Variants in SLC16A7 observed in about 807,000 individuals in gnomAD.
SLC16A7 encodes the protein solute carrier family 16 member 7.
A neutral mutation model predicts 34.9 loss-of-function variants in SLC16A7; 33 were observed. The observed-to-expected ratio is 0.94, with a 90% CI of 0.72 to 1.26. The LOEUF is 1.26. SLC16A7 is among the 50% of genes most tolerant of loss of function. SLC16A7 has a pLI of 0.00. For missense variants in SLC16A7, 573 were observed against 578.1 expected (o/e 0.99, Z 0.09); for synonymous variants, 201 against 206.6 (o/e 0.97, Z 0.23).
At chr12:59,623,991 A>T (rs1051850386) in intron 1 of SLC16A7, among the ~76,000 whole-genome samples, 5 of 151,448 alleles carry the variant, frequency 3.3e-5, no homozygotes, top group African/African-American at 9.7e-5. Flanking sequence ...AATTACAGTA[A>T]TAGAGTTTAA....
chr12:59,657,971 A>G (rs1162526842), intron 2 of SLC16A7, among the ~76,000 whole-genome samples: 1 of 151,980 alleles, frequency 6.6e-6, no homozygotes. Context: ...TTGCTCTTAC[A>G]AAACAGTTTG....
At chr12:59,604,334 T>G (rs1190625316) in intron 1 of SLC16A7, among the ~76,000 whole-genome samples, 1 of 152,222 alleles carries the variant, frequency 6.6e-6, no homozygotes, top group Non-Finnish European at 1.5e-5. Context: ...AACAGTTTAA[T>G]AAATAAATAA....
intron 3 of SLC16A7, among the ~76,000 whole-genome samples, chr12:59,768,827 T>C (rs1476424369): frequency 6.6e-6 from 1 of 151,828 alleles, no homozygotes. Context: ...CAAGGCCCCG[T>C]CTCTATGAAA....
intron 2 of SLC16A7, among the ~76,000 whole-genome samples, chr12:59,658,311 T>TA (rs1334101482): frequency 2.0e-5 from 3 of 152,038 alleles, no homozygotes; most frequent in African/African-American, 4.8e-5. Context: ...TGGACAAAGC[T>TA]AAAAATCACA....
rs1247257119 is a variant in SLC16A7 at position 59,771,219 on chromosome 12, G to A, written c.218G>A (p.Gly73Asp). ...SIMLAVMYAG[G>D]PVSSVLVNKY... Reference sequence around the variant, plus strand: ...TTTCTTTATCTCCTCTCTGCTGTAGGTCCTGTAAGTAGTGTTTTGGTGAAT... The same window carrying A: ...TTTCTTTATCTCCTCTCTGCTGTAGATCCTGTAAGTAGTGTTTTGGTGAAT... Residue 73 changes from glycine to aspartate, a missense_variant and splice_region_variant, in exon 4 of 6, where the codon GGT (glycine) becomes GAT (aspartate). Coordinates refer to ENST00000547379, the MANE Select transcript of SLC16A7 (RefSeq NM_001270623.2). 2 of 1,611,570 alleles carry A rather than the reference G, an allele frequency of 1.2e-6. No homozygotes were observed. The highest frequency in any genetic ancestry group is 1.7e-5 in the Admixed American group (1 of 59,628).
intron 3 of SLC16A7, among the ~76,000 whole-genome samples, chr12:59,750,306 AATCT>A (rs1376229136): frequency 6.6e-6 from 1 of 152,228 alleles, no homozygotes; most frequent in Non-Finnish European, 1.5e-5. Context: ...AAGATTTTGC[AATCT>A]ATCCATCCGA....
chr12:59,689,548 A>G (rs1409761972), intron 2 of SLC16A7: 1 of 152,060 alleles, frequency 6.6e-6, no homozygotes, highest in Non-Finnish European at 1.5e-5. Flanking sequence ...AAGGGATTCT[A>G]ACATCTTTCT....
chr12:59,722,518 C>T (rs934184768), intron 3 of SLC16A7, among the ~76,000 whole-genome samples: 5 of 151,878 alleles, frequency 3.3e-5, no homozygotes, highest in Admixed American at 6.6e-5. Context: ...CTCCCTGAAC[C>T]TGTCTTCTGT....
intron 1 of SLC16A7, among the ~76,000 whole-genome samples, chr12:59,632,709 C>T (rs962456701): frequency 6.6e-6 from 1 of 151,972 alleles, no homozygotes; most frequent in Non-Finnish European, 1.5e-5. Flanking sequence ...AACAGTATCA[C>T]CCCCGGTTAA....
chr12:59,725,238 C>G (rs1182670022), intron 3 of SLC16A7, among the ~76,000 whole-genome samples: 1 of 152,164 alleles, frequency 6.6e-6, no homozygotes, highest in South Asian at 2.1e-4. Flanking sequence ...TTAATATTAT[C>G]TAAAGAAATA....
chr12:59,602,479 C>CTTTT lies in SLC16A7; in HGVS notation c.-130+6262_-130+6265dup, dbSNP rs34035713. Among the ~76,000 whole-genome samples, 274 of 80,244 alleles carry CTTTT rather than the reference C, an allele frequency of 3.4e-3. 2 individuals carry two copies. Among genetic ancestry groups the CTTTT allele is most frequent in the African/African-American group, 5.1e-3 (100 of 19,686 alleles). The allele number at this position is 80,244 out of a possible 152,430, so 52.6% of individuals were successfully genotyped here. On this transcript the variant is annotated intron_variant, in intron 1 of 5. Coordinates refer to ENST00000547379, the MANE Select transcript of SLC16A7 (RefSeq NM_001270623.2). ...TGTCTTCCCCAGTTTGTGTTTTGGG[C>CTTTT]TTTTTTTTTTTTTTTTTTTTTTGAG... is the stretch of plus-strand genomic sequence containing the variant.
chr12:59,637,180 C>T (rs896448824), intron 1 of SLC16A7, among the ~76,000 whole-genome samples: 2 of 152,016 alleles, frequency 1.3e-5, no homozygotes, highest in Non-Finnish European at 1.5e-5. Flanking sequence ...CTTTTGTGTG[C>T]ACATTGAAAG....
intron 2 of SLC16A7, among the ~76,000 whole-genome samples, chr12:59,678,682 C>A (rs1353781757): frequency 6.6e-6 from 1 of 152,090 alleles, no homozygotes; most frequent in African/African-American, 2.4e-5. Context: ...CCATAATTTC[C>A]CATTCTGGTC....
chr12:59,712,821 T>A (rs1874397583), intron 3 of SLC16A7, among the ~76,000 whole-genome samples: 1 of 152,138 alleles, frequency 6.6e-6, no homozygotes, highest in African/African-American at 2.4e-5. Flanking sequence ...TTGGTTTTTT[T>A]AATCCCCCCT....
chr12:59,646,144 T>C (rs762814553), intron 1 of SLC16A7, among the ~76,000 whole-genome samples: 3 of 152,184 alleles, frequency 2.0e-5, no homozygotes, highest in Non-Finnish European at 2.9e-5. Flanking sequence ...GAAATTTGCA[T>C]AGGTAATGAG....
intron 2 of SLC16A7, among the ~76,000 whole-genome samples, chr12:59,657,495 A>C (rs765109152): frequency 1.8e-4 from 28 of 152,018 alleles, no homozygotes; most frequent in Non-Finnish European, 3.5e-4. Context: ...CTAGATTAAA[A>C]ATACTTCACA....
chr12:59,600,965 A>G (rs902920480), intron 1 of SLC16A7, among the ~76,000 whole-genome samples: 1 of 152,188 alleles, frequency 6.6e-6, no homozygotes, highest in Non-Finnish European at 1.5e-5. Context: ...ACTGGCCTAA[A>G]GGTACTTTCG....
At chr12:59,632,060 T>C (rs1400018113) in intron 1 of SLC16A7, among the ~76,000 whole-genome samples, 1 of 151,946 alleles carries the variant, frequency 6.6e-6, no homozygotes, top group Admixed American at 6.6e-5. Flanking sequence ...CACATTTTTA[T>C]GGGAAGATGT....
At chr12:59,624,738 T>TTGTGTGTGTGTG (rs34708782) in intron 1 of SLC16A7, among the ~76,000 whole-genome samples, 19 of 145,370 alleles carry the variant, frequency 1.3e-4, no homozygotes, top group African/African-American at 4.3e-4. Context: ...GCATTGTTAG[T>TTGTGTGTGTGTG]TGTGTGTGTG....
Sources: allele counts gnomAD v4.1 joint callset (sites outside exome capture counted in the v4.1 genomes callset), GRCh38; gene constraint gnomAD v4.1.1; transcripts MANE v1.5; gene names NCBI Gene and HGNC (gene_info 2026-07-23, HGNC 2026-07-21).